The following GABRG3 variants were observed in gnomAD, a reference collection of about 807,000 sequenced individuals.
GABRG3 encodes gamma-aminobutyric acid type A receptor subunit gamma3.
A neutral mutation model predicts 48.8 loss-of-function variants in GABRG3; 25 were observed. The observed-to-expected ratio is 0.51, with a 90% CI of 0.37 to 0.72. The LOEUF (loss-of-function observed/expected upper bound fraction) is 0.72, where lower values mean the gene tolerates loss of function less well. Among genes scored for constraint, GABRG3 ranks in the 30% least tolerant of loss-of-function variants. The pLI is 0.00. For missense variants in GABRG3, 394 were observed against 577.9 expected, an observed-to-expected ratio of 0.68 and a Z score of 3.26; for synonymous variants, 227 against 217.6, an observed-to-expected ratio of 1.04 and a Z score of -0.38.
intron 3 of GABRG3, among the ~76,000 whole-genome samples, chr15:27,308,016 A>C (rs1364166238): frequency 8.6e-5 from 12 of 140,082 alleles, no homozygotes; most frequent in African/African-American, 3.1e-4. Context: ...AAACGTATAT[A>C]TAAAATAAAC....
intron 6 of GABRG3, among the ~76,000 whole-genome samples, chr15:27,500,535 G>A (rs1240663221): frequency 6.6e-6 from 1 of 152,228 alleles, no homozygotes; most frequent in Non-Finnish European, 1.5e-5. Context: ...TGTGGGCAAA[G>A]GCCCAGCACC....
intron 5 of GABRG3, among the ~76,000 whole-genome samples, chr15:27,474,456 G>A (rs1251623784): frequency 6.6e-6 from 1 of 152,088 alleles, no homozygotes; most frequent in Non-Finnish European, 1.5e-5. Flanking sequence ...GGGACAGGAG[G>A]TCTTTTCTAA....
chr15:27,022,618 C>T (rs901479725), intron 2 of GABRG3, among the ~76,000 whole-genome samples: 4 of 152,130 alleles, frequency 2.6e-5, no homozygotes, highest in Non-Finnish European at 4.4e-5. Flanking sequence ...GACAGGATTC[C>T]TTTAACGTCC....
chr15:27,482,071 C>T (rs760428479), intron 6 of GABRG3, among the ~76,000 whole-genome samples: 6 of 152,132 alleles, frequency 3.9e-5, no homozygotes, highest in Non-Finnish European at 8.8e-5. Flanking sequence ...GATTTTGAAA[C>T]TGATTGCAAG....
intron 5 of GABRG3, among the ~76,000 whole-genome samples, chr15:27,387,634 G>T (rs1296101528): frequency 1.3e-5 from 2 of 151,770 alleles, no homozygotes; most frequent in African/African-American, 2.4e-5. Flanking sequence ...TGGCAGCAAA[G>T]AGATGGAAGC....
chr15:27,303,402 G>T (rs1197222083), intron 3 of GABRG3, among the ~76,000 whole-genome samples: 1 of 151,526 alleles, frequency 6.6e-6, no homozygotes, highest in African/African-American at 2.4e-5. Context: ...TACCCAAGAT[G>T]AAATAGATCA....
intron 3 of GABRG3, among the ~76,000 whole-genome samples, chr15:27,182,657 TGC>T (rs1887968309): frequency 1.3e-5 from 2 of 152,006 alleles, no homozygotes; most frequent in South Asian, 4.1e-4. Context: ...GAGAGGCTGG[TGC>T]ACAGAAAAGC....
intron 5 of GABRG3, among the ~76,000 whole-genome samples, chr15:27,386,533 C>T (rs1381804107): frequency 6.6e-6 from 1 of 151,832 alleles, no homozygotes; most frequent in Non-Finnish European, 1.5e-5. Flanking sequence ...TGGGATTTTT[C>T]CATGGAACTT....
At position 27,541,778 on chromosome 15, in the gene GABRG3, T is replaced by C. The variant is rs1485649474; in HGVS notation, c.*8897T>C. ...GCGCAGAGGACGTGGCTCCCCGCTA[T>C]CCGTGCGGCTCGTGGTGTCCTAGTG... On this transcript the variant is annotated 3_prime_UTR_variant, in exon 10 of 10. Coordinates refer to ENST00000615808, the MANE Select transcript of GABRG3 (RefSeq NM_033223.5). The C allele has an allele frequency of 1.3e-5, 2 of 152,128 alleles. No individual in the cohort carries two copies. The highest frequency in any genetic ancestry group is 4.8e-5 in the African/African-American group (2 of 41,430). The allele number at this position is 152,128 out of a possible 1,614,324, so 9.4% of individuals were successfully genotyped here.
At chr15:26,996,209 G>GT (rs1378706331) in intron 2 of GABRG3, among the ~76,000 whole-genome samples, 13 of 151,242 alleles carry the variant, frequency 8.6e-5, no homozygotes, top group East Asian at 1.9e-4. Context: ...AGGGCTTTTT[G>GT]TTTTTTTTGT....
intron 5 of GABRG3, among the ~76,000 whole-genome samples, chr15:27,464,760 T>C (rs972703673): frequency 1.2e-4 from 19 of 152,226 alleles, no homozygotes; most frequent in African/African-American, 4.6e-4. Context: ...ATATCTTCCT[T>C]TAAAAAATTC....
chr15:27,097,699 G>A (rs559866808), intron 3 of GABRG3, among the ~76,000 whole-genome samples: 1 of 152,258 alleles, frequency 6.6e-6, no homozygotes, highest in African/African-American at 2.4e-5. Flanking sequence ...TTCTGCTGCT[G>A]AAGCCTGGGG....
Position 27,297,874 on chromosome 15 carries a change from AG to A in GABRG3, c.271-28934del, listed in dbSNP as rs541068356. ...GGAGAATAGTGTTATATAGGAGTAA[AG>A]TTCTATATTCCACTTGAATAAATTG... On this transcript the variant is annotated intron_variant, in intron 3 of 9. Transcript: ENST00000615808. Among the ~76,000 whole-genome samples, 1,192 of 152,270 alleles carry A rather than the reference AG, an allele frequency of 7.8e-3. 17 individuals carry two copies. Among genetic ancestry groups the A allele is most frequent in the African/African-American group, 0.028 (1,154 of 41,580 alleles).
intron 3 of GABRG3, among the ~76,000 whole-genome samples, chr15:27,286,268 A>G (rs1359042396): frequency 2.0e-5 from 3 of 152,232 alleles, no homozygotes; most frequent in Non-Finnish European, 4.4e-5. Flanking sequence ...TTACAAAGTT[A>G]AATGAGGTAG....
chr15:27,171,275 A>T (rs1228346783), intron 3 of GABRG3, among the ~76,000 whole-genome samples: 1 of 152,316 alleles, frequency 6.6e-6, no homozygotes, highest in African/African-American at 2.4e-5. Flanking sequence ...GAATATCTGC[A>T]TCAAATTTTT....
At chr15:27,143,168 T>G (rs1391995755) in intron 3 of GABRG3, among the ~76,000 whole-genome samples, 3 of 152,194 alleles carry the variant, frequency 2.0e-5, no homozygotes, top group South Asian at 2.1e-4. Context: ...AGCCTTGATC[T>G]TCTGGGCTCA....
intron 7 of GABRG3, among the ~76,000 whole-genome samples, chr15:27,523,852 C>T (rs1891214129): frequency 6.6e-6 from 1 of 151,774 alleles, no homozygotes; most frequent in Non-Finnish European, 1.5e-5. Context: ...AAATAATAAT[C>T]AACTGAGTTT....
chr15:27,054,311 T>A, intron 3 of GABRG3, among the ~76,000 whole-genome samples: 1 of 151,898 alleles, frequency 6.6e-6, no homozygotes, highest in Non-Finnish European at 1.5e-5. Flanking sequence ...CCTGTTGGGT[T>A]CTGTGCTCAC....
At chr15:27,110,198 A>G (rs1040853289) in intron 3 of GABRG3, among the ~76,000 whole-genome samples, 13 of 152,026 alleles carry the variant, frequency 8.6e-5, no homozygotes, top group Middle Eastern at 3.4e-3. Context: ...TTAATTTGTT[A>G]ATAGTCCTAG....
Sources: gnomAD v4.1 joint callset for allele counts (sites outside exome capture counted in the v4.1 genomes callset) on GRCh38, gnomAD v4.1.1 for gene constraint, MANE v1.5 for transcripts, NCBI Gene and HGNC (gene_info 2026-07-23, HGNC 2026-07-21) for gene names.